ITGA9: variants seen among roughly 807,000 people sequenced by gnomAD.
ITGA9 encodes the protein integrin subunit alpha 9.
In ITGA9, 56 loss-of-function variants were observed where a neutral mutation model predicts 127.8. The ratio of observed to expected loss-of-function variants is 0.44; its 90% CI spans 0.35 to 0.55. The LOEUF (loss-of-function observed/expected upper bound fraction) is 0.55. ITGA9 is among the 20% of genes least tolerant of loss of function. The pLI is 0.00. For synonymous variants in ITGA9, 508 were observed against 514.5 expected (o/e 0.99, Z 0.17); for missense variants, 1,196 against 1,347.1 (o/e 0.89, Z 1.76).
chr3:37,600,530 G>T (rs533934061), intron 15 of ITGA9, among the ~76,000 whole-genome samples: 1 of 152,162 alleles, frequency 6.6e-6, no homozygotes, highest in East Asian at 1.9e-4. Flanking sequence ...CAGGGCCCGC[G>T]GTAGAGAACA....
intron 15 of ITGA9, among the ~76,000 whole-genome samples, chr3:37,576,534 A>C (rs1487314939): frequency 6.6e-6 from 1 of 152,148 alleles, no homozygotes; most frequent in African/African-American, 2.4e-5. Flanking sequence ...TTGAGGTGGG[A>C]AGAGAGTGAG....
chr3:37,629,439 G>A lies in ITGA9; in HGVS notation c.1839+103G>A, dbSNP rs1700209115. ...GAGCCGTGGGCCTGGCTGCTCAGGA[G>A]ACCGCAGCCAGGACACACCTCCTCT... On this transcript the variant is annotated intron_variant, in intron 16 of 27. Transcript: ENST00000264741. The surrounding 1 kb of genome is among the most constrained non-coding windows in gnomAD (Gnocchi z 4.5). 7.7e-7 allele frequency: 1 copy of A among 1,294,816 alleles called. No homozygotes were observed. The highest frequency in any genetic ancestry group is 1.1e-6 in the Non-Finnish European group (1 of 914,018). 80.2% of individuals were successfully genotyped at this position (1,294,816 alleles called of 1,614,324 possible). A position where few individuals can be genotyped will look rare whatever the true frequency, so the allele number is the denominator to read the frequency against.
At chr3:37,610,491 A>G (rs1014738808) in intron 15 of ITGA9, among the ~76,000 whole-genome samples, 21 of 152,248 alleles carry the variant, frequency 1.4e-4, no homozygotes, top group Non-Finnish European at 2.8e-4. Context: ...GTGTTCTGCT[A>G]TAAATCCTAA....
intron 15 of ITGA9, among the ~76,000 whole-genome samples, chr3:37,575,293 A>G (rs1222383212): frequency 6.6e-6 from 1 of 152,100 alleles, no homozygotes; most frequent in Non-Finnish European, 1.5e-5. Context: ...TCACTGGTTG[A>G]CCTTCAGCGG....
At chr3:37,773,977 T>C (rs1242950373) in intron 23 of ITGA9, among the ~76,000 whole-genome samples, 1 of 152,232 alleles carries the variant, frequency 6.6e-6, no homozygotes, top group East Asian at 1.9e-4. Flanking sequence ...TCTTCTGAGA[T>C]TGATGGGTTT....
intron 26 of ITGA9, among the ~76,000 whole-genome samples, chr3:37,797,843 G>A (rs889779900): frequency 4.7e-5 from 7 of 148,640 alleles, no homozygotes; most frequent in African/African-American, 9.9e-5. Context: ...ACAGGTGTGC[G>A]CCACCACACC....
intron 15 of ITGA9, among the ~76,000 whole-genome samples, chr3:37,588,642 A>G (rs1699783050): frequency 6.6e-6 from 1 of 152,186 alleles, no homozygotes; most frequent in Non-Finnish European, 1.5e-5. Context: ...CCTTGCAAAG[A>G]AATAACCAGG....
At chr3:37,493,376 G>A (rs142107062) in intron 4 of ITGA9, among the ~76,000 whole-genome samples, 6 of 152,230 alleles carry the variant, frequency 3.9e-5, no homozygotes, top group Admixed American at 3.9e-4. Flanking sequence ...AGGAGCCCAG[G>A]GGGTGGTACA....
intron 23 of ITGA9, among the ~76,000 whole-genome samples, chr3:37,758,028 A>G (rs181299985): frequency 2.0e-5 from 3 of 151,818 alleles, no homozygotes; most frequent in African/African-American, 7.3e-5. Context: ...GTTCTAAATA[A>G]ATTGCAAATT....
At chr3:37,568,696 C>T (rs1188925803) in intron 15 of ITGA9, among the ~76,000 whole-genome samples, 1 of 152,176 alleles carries the variant, frequency 6.6e-6, no homozygotes, top group Non-Finnish European at 1.5e-5. Flanking sequence ...AAAATGCCAC[C>T]AGTCTCTTTG....
At chr3:37,613,720 A>G (rs1700046303) in intron 15 of ITGA9, among the ~76,000 whole-genome samples, 1 of 152,208 alleles carries the variant, frequency 6.6e-6, no homozygotes, top group African/African-American at 2.4e-5. Context: ...GCCACTGATG[A>G]TGAGCATTGT....
rs573281141 is a variant in ITGA9 at position 37,567,425 on chromosome 3, G to A, written c.1689+24840G>A. ...GGACACAGCCAAGCCATATCATTCCGCCCCGGCCCCTTCCAAATATCATCT... is the reference window on the plus strand; with the variant it reads ...GGACACAGCCAAGCCATATCATTCCACCCCGGCCCCTTCCAAATATCATCT... On this transcript the variant is annotated intron_variant, in intron 15 of 27. Transcript: ENST00000264741. 2.1e-4 allele frequency among the ~76,000 whole-genome samples: 32 copies of A among 152,124 alleles called. 1 individual carries two copies. The South Asian group carries it at 3.9e-3, about 19-fold the overall frequency.
At chr3:37,813,611 A>G (rs1697394371) in intron 27 of ITGA9, among the ~76,000 whole-genome samples, 1 of 152,206 alleles carries the variant, frequency 6.6e-6, no homozygotes, top group Admixed American at 6.5e-5. Context: ...TTAGAAGATA[A>G]CATGCTTTTT....
chr3:37,722,369 A>C lies in ITGA9; in HGVS notation c.2068-10343A>C, dbSNP rs72859079. On this transcript the variant is annotated intron_variant, in intron 18 of 27. Transcript: ENST00000264741. ...TAATGTATACAATTCAGTGGGTTTGAGTATATTTTCAGAGTTGTGCATCTA... is the reference window on the plus strand; with the variant it reads ...TAATGTATACAATTCAGTGGGTTTGCGTATATTTTCAGAGTTGTGCATCTA... Among the ~76,000 whole-genome samples, 1,139 of 152,304 alleles carry C rather than the reference A, an allele frequency of 7.5e-3. 20 individuals are homozygous for C. The highest frequency in any genetic ancestry group is 0.026 in the African/African-American group (1,071 of 41,566).
intron 15 of ITGA9, among the ~76,000 whole-genome samples, chr3:37,613,426 G>A (rs1292962656): frequency 6.6e-5 from 10 of 152,094 alleles, no homozygotes; most frequent in South Asian, 2.1e-4. Flanking sequence ...ATAAACATAC[G>A]TGTGCATGTG....
chr3:37,515,873 A>G (rs1698979546), intron 9 of ITGA9, among the ~76,000 whole-genome samples: 1 of 152,160 alleles, frequency 6.6e-6, no homozygotes, highest in Non-Finnish European at 1.5e-5. Context: ...TGGGCTACAC[A>G]ATGAGACTCT....
In ITGA9 at chr3:37,719,672, A is replaced by G. The variant is rs13340115; in HGVS notation, c.2068-13040A>G. ...CCCGAGTCAGGAGGGCTGGAAGTGC[A>G]GGATAGTTAACGTCCCCAGTACAGT... is the stretch of plus-strand genomic sequence containing the variant. On this transcript the variant is annotated intron_variant, in intron 18 of 27. Coordinates refer to ENST00000264741, the MANE Select transcript of ITGA9 (RefSeq NM_002207.3). 7.7e-3 allele frequency among the ~76,000 whole-genome samples: 1,175 copies of G among 152,232 alleles called. 21 individuals carry two copies. The highest frequency in any genetic ancestry group is 0.026 in the African/African-American group (1,100 of 41,556).
At chr3:37,721,306 G>A (rs1401371712) in intron 18 of ITGA9, among the ~76,000 whole-genome samples, 2 of 151,864 alleles carry the variant, frequency 1.3e-5, no homozygotes, top group Non-Finnish European at 2.9e-5. Context: ...TGTTGAGACA[G>A]GGTCTTACTA....
chr3:37,566,110 T>C (rs1327888051), intron 15 of ITGA9, among the ~76,000 whole-genome samples: 1 of 152,226 alleles, frequency 6.6e-6, no homozygotes, highest in Non-Finnish European at 1.5e-5. Context: ...AAGTTATAAC[T>C]CATAAGAAGT....
Sources: gnomAD v4.1 joint callset for allele counts (sites outside exome capture counted in the v4.1 genomes callset) on GRCh38, gnomAD v4.1.1 for gene constraint, Gnocchi (gnomAD v3.1) non-coding constraint, MANE v1.5 for transcripts, NCBI Gene and HGNC (gene_info 2026-07-23, HGNC 2026-07-21) for gene names.